Variants in CTNNBL1 observed in about 807,000 individuals in gnomAD.
CTNNBL1 encodes the protein beta-catenin-like protein 1.
Under a neutral mutation model 72.7 loss-of-function variants are expected in CTNNBL1, and 31 were observed. The observed-to-expected ratio is 0.43, with a 90% CI of 0.32 to 0.58. The LOEUF (loss-of-function observed/expected upper bound fraction) is 0.58, where lower values mean the gene tolerates loss of function less well. CTNNBL1 is among the 20% of genes least tolerant of loss of function. CTNNBL1 has a pLI of 0.08. For synonymous variants in CTNNBL1, 240 were observed against 267.3 expected, an observed-to-expected ratio of 0.90 and a Z score of 1.00; for missense variants, 534 against 725.1, an observed-to-expected ratio of 0.74 and a Z score of 3.03.
At position 37,768,815 on chromosome 20, in the gene CTNNBL1, G is replaced by A. The variant is rs144584280; in HGVS notation, c.750+771G>A. 3.5e-3 allele frequency among the ~76,000 whole-genome samples: 534 copies of A among 152,154 alleles called. 5 individuals carry two copies. Among genetic ancestry groups the A allele is most frequent in the African/African-American group, 0.012 (495 of 41,510 alleles). ...TTTGAAACTGAGTCTCACTCACTCT[G>A]TTGCCCAGGATGGAGTACAGTGGCA... is the stretch of plus-strand genomic sequence containing the variant. On this transcript the variant is annotated intron_variant, in intron 7 of 15. Transcript: ENST00000361383.
intron 1 of CTNNBL1, among the ~76,000 whole-genome samples, chr20:37,696,377 A>G (rs2072791257): frequency 6.6e-6 from 1 of 152,092 alleles, no homozygotes; most frequent in East Asian, 1.9e-4. Flanking sequence ...TAGATCTGCT[A>G]CATGTGCAAA....
At chr20:37,850,226 GA>G (rs550413571) in intron 13 of CTNNBL1, among the ~76,000 whole-genome samples, 194 of 151,940 alleles carry the variant, frequency 1.3e-3, no homozygotes, top group African/African-American at 4.5e-3. Context: ...TGTAAATTTA[GA>G]AATTGACTGA....
intron 1 of CTNNBL1, among the ~76,000 whole-genome samples, chr20:37,696,032 T>A (rs1293920577): frequency 6.6e-6 from 1 of 152,236 alleles, no homozygotes; most frequent in Non-Finnish European, 1.5e-5. Context: ...AGTTATTAAA[T>A]CAGTGATTGT....
chr20:37,718,383 C>T (rs1363633407), intron 1 of CTNNBL1, among the ~76,000 whole-genome samples: 1 of 142,006 alleles, frequency 7.0e-6, no homozygotes, highest in Admixed American at 6.8e-5. Flanking sequence ...CCCCTCACCT[C>T]CGGGACGGGG....
chr20:37,754,340 C>G (rs994019445), intron 4 of CTNNBL1, among the ~76,000 whole-genome samples: 3 of 113,416 alleles, frequency 2.6e-5, no homozygotes, highest in Non-Finnish European at 5.1e-5. Context: ...AGGCTGGTTT[C>G]AAACTCCTGG....
rs182588994 is a variant in CTNNBL1 at position 37,801,706 on chromosome 20, C to T, written c.1032-1161C>T. ...AACTAGGAATAGAAGAGAACTTCTTCAACCATTGATAAAGAGCTTCTACAA... is the reference window on the plus strand; with the variant it reads ...AACTAGGAATAGAAGAGAACTTCTTTAACCATTGATAAAGAGCTTCTACAA... On this transcript the variant is annotated intron_variant, in intron 10 of 15. Coordinates refer to ENST00000361383, the MANE Select transcript of CTNNBL1 (RefSeq NM_030877.5). 5.9e-5 allele frequency among the ~76,000 whole-genome samples: 9 copies of T among 152,290 alleles called. No homozygotes were observed. The East Asian group carries it at 1.2e-3, about 20-fold the overall frequency.
intron 1 of CTNNBL1, among the ~76,000 whole-genome samples, chr20:37,719,124 C>G (rs2073018605): frequency 1.3e-5 from 2 of 152,080 alleles, no homozygotes; most frequent in African/African-American, 2.4e-5. Flanking sequence ...AGATATGGCC[C>G]AGTGTGGTAT....
At chr20:37,854,471 C>T (rs1336809731) in intron 13 of CTNNBL1, among the ~76,000 whole-genome samples, 2 of 151,822 alleles carry the variant, frequency 1.3e-5, no homozygotes, top group Non-Finnish European at 2.9e-5. Context: ...CCCAGTTCTG[C>T]CACCCACTAG....
chr20:37,742,509 C>A (rs1036383538), intron 3 of CTNNBL1, among the ~76,000 whole-genome samples: 4 of 152,140 alleles, frequency 2.6e-5, no homozygotes, highest in African/African-American at 9.7e-5. Flanking sequence ...TGTATCTCTC[C>A]CAGCCTTTAC....
At chr20:37,735,264 C>T (rs994160103) in intron 2 of CTNNBL1, among the ~76,000 whole-genome samples, 1 of 152,008 alleles carries the variant, frequency 6.6e-6, no homozygotes, top group Non-Finnish European at 1.5e-5. Context: ...TCACTGAGTA[C>T]CTGCTGTGTG....
intron 2 of CTNNBL1, among the ~76,000 whole-genome samples, chr20:37,735,621 C>A (rs1292122713): frequency 6.6e-6 from 1 of 152,116 alleles, no homozygotes; most frequent in Non-Finnish European, 1.5e-5. Context: ...AAGCTGTAGA[C>A]CCTGGGGAGG....
At chr20:37,800,503 A>T (rs2073815018) in intron 10 of CTNNBL1, among the ~76,000 whole-genome samples, 1 of 152,108 alleles carries the variant, frequency 6.6e-6, no homozygotes, top group Non-Finnish European at 1.5e-5. Context: ...GACAGACTGG[A>T]ATCTCTTCAG....
chr20:37,706,402 T>A (rs906889705), intron 1 of CTNNBL1, among the ~76,000 whole-genome samples: 1 of 152,256 alleles, frequency 6.6e-6, no homozygotes, highest in Non-Finnish European at 1.5e-5. Flanking sequence ...TAAGTTCATG[T>A]AATATTCTAA....
chr20:37,825,399 G>T (rs190788541), intron 11 of CTNNBL1, among the ~76,000 whole-genome samples: 38 of 152,206 alleles, frequency 2.5e-4, no homozygotes, highest in Non-Finnish European at 5.1e-4. Context: ...CTGAGGCCGG[G>T]CGTGACGGCT....
At chr20:37,773,694 G>A (rs376874704) in intron 7 of CTNNBL1, among the ~76,000 whole-genome samples, 1 of 152,248 alleles carries the variant, frequency 6.6e-6, no homozygotes, top group East Asian at 1.9e-4. Flanking sequence ...GGCTAGACAT[G>A]AAAGATTACT....
intron 15 of CTNNBL1, among the ~76,000 whole-genome samples, chr20:37,864,982 C>T (rs1420324098): frequency 1.3e-5 from 2 of 152,164 alleles, no homozygotes; most frequent in African/African-American, 4.8e-5. Context: ...CTGAGACTCA[C>T]TGAGCTTAGT....
chr20:37,850,959 C>T (rs1223253691), intron 13 of CTNNBL1, among the ~76,000 whole-genome samples: 1 of 152,206 alleles, frequency 6.6e-6, no homozygotes, highest in Non-Finnish European at 1.5e-5. Context: ...ATGACATCCG[C>T]ATGCTTATTT....
chr20:37,834,917 G>A (rs2072241237), intron 11 of CTNNBL1, among the ~76,000 whole-genome samples: 1 of 152,170 alleles, frequency 6.6e-6, no homozygotes, highest in South Asian at 2.1e-4. Context: ...GTTCAAATAG[G>A]AATTAGAAGG....
intron 1 of CTNNBL1, among the ~76,000 whole-genome samples, chr20:37,695,376 G>A (rs867223763): frequency 2.3e-4 from 35 of 152,032 alleles, no homozygotes; most frequent in African/African-American, 8.2e-4. Flanking sequence ...TAAATTTTTT[G>A]TAGAGACAGG....
Sources: allele counts gnomAD v4.1 joint callset (sites outside exome capture counted in the v4.1 genomes callset), GRCh38; gene constraint gnomAD v4.1.1; transcripts MANE v1.5; gene names NCBI Gene and HGNC (gene_info 2026-07-23, HGNC 2026-07-21).